The following PLEKHA2 variants were observed in gnomAD, a reference collection of about 807,000 sequenced individuals.
PLEKHA2 encodes pleckstrin homology domain containing A2.
Under a neutral mutation model 53.2 loss-of-function variants are expected in PLEKHA2, and 28 were observed. The ratio of observed to expected loss-of-function variants is 0.53; its 90% CI spans 0.39 to 0.72. The LOEUF is 0.72. Ranked by LOEUF, PLEKHA2 falls within the 30% of genes least tolerant of loss-of-function variation. PLEKHA2 has a pLI of 0.00. For missense variants in PLEKHA2, 426 were observed against 537.9 expected, an observed-to-expected ratio of 0.79 and a Z score of 2.06; for synonymous variants, 193 against 196.4, an observed-to-expected ratio of 0.98 and a Z score of 0.14.
chr8:38,926,936 A>C (rs767381345), intron 2 of PLEKHA2, among the ~76,000 whole-genome samples: 16 of 152,296 alleles, frequency 1.1e-4, no homozygotes, highest in South Asian at 2.1e-4. Flanking sequence ...AACCAACCAA[A>C]CAAACAAACA....
chr8:38,918,565 A>ACACACACATG (rs1350532147), intron 2 of PLEKHA2, among the ~76,000 whole-genome samples: 1 of 71,046 alleles, frequency 1.4e-5, no homozygotes, highest in Non-Finnish European at 3.2e-5. Flanking sequence ...CACACATTAT[A>ACACACACATG]CACACACATG....
chr8:38,906,253 G>A (rs191825799), intron 1 of PLEKHA2, among the ~76,000 whole-genome samples: 4 of 152,152 alleles, frequency 2.6e-5, no homozygotes, highest in Non-Finnish European at 4.4e-5. Context: ...CTTCAGCCCC[G>A]GGCAGGCTTT....
chr8:38,914,830 G>T (rs1169495392), intron 1 of PLEKHA2, among the ~76,000 whole-genome samples: 1 of 152,232 alleles, frequency 6.6e-6, no homozygotes, highest in Non-Finnish European at 1.5e-5. Context: ...GCAGAGGTTG[G>T]CTGGTTTGAA....
Position 38,901,374 on chromosome 8 carries a change from A to ACCCGGCGGCCGGAGGGGCGAC in PLEKHA2, c.-90_-70dup, listed in dbSNP as rs1427591938. ...CCCAGAAATCCCTGGAGCGCGGCGG[A>ACCCGGCGGCCGGAGGGGCGAC]CCCGGCGGCCGGAGGGGCGACCCCG... On this transcript the variant is annotated 5_prime_UTR_variant, in exon 1 of 12. Coordinates refer to ENST00000617275, the MANE Select transcript of PLEKHA2 (RefSeq NM_021623.2). 1 of 151,246 alleles carries ACCCGGCGGCCGGAGGGGCGAC rather than the reference A, an allele frequency of 6.6e-6. No individual in the cohort carries two copies. Among genetic ancestry groups the ACCCGGCGGCCGGAGGGGCGAC allele is most frequent in the African/African-American group, 2.4e-5 (1 of 40,942 alleles). 9.4% of individuals were successfully genotyped at this position (151,246 alleles called of 1,614,324 possible).
At chr8:38,942,842 G>T (rs79248907) in intron 3 of PLEKHA2, among the ~76,000 whole-genome samples, 2 of 152,212 alleles carry the variant, frequency 1.3e-5, no homozygotes, top group African/African-American at 4.8e-5. Context: ...GCAACAGGAG[G>T]TATAGAAATA....
chr8:38,961,518 C>G (rs1223976956), intron 10 of PLEKHA2, among the ~76,000 whole-genome samples: 1 of 152,102 alleles, frequency 6.6e-6, no homozygotes, highest in East Asian at 1.9e-4. Flanking sequence ...GCCTGGAAGA[C>G]AGAGTGAGAC....
intron 2 of PLEKHA2, among the ~76,000 whole-genome samples, chr8:38,933,125 A>G (rs192985372): frequency 6.6e-6 from 1 of 152,302 alleles, no homozygotes; most frequent in Admixed American, 6.5e-5. Context: ...TTCATCACTC[A>G]TAATTCAGGC....
intron 5 of PLEKHA2, among the ~76,000 whole-genome samples, chr8:38,947,212 G>A (rs1384225091): frequency 2.0e-5 from 3 of 152,198 alleles, no homozygotes; most frequent in South Asian, 2.1e-4. Context: ...AGTGGCTCAC[G>A]CTTGTAATTC....
intron 2 of PLEKHA2, among the ~76,000 whole-genome samples, chr8:38,929,426 C>T (rs986154490): frequency 4.6e-5 from 7 of 152,210 alleles, no homozygotes; most frequent in Non-Finnish European, 1.0e-4. Flanking sequence ...TTGTATTTAC[C>T]TTTCATTGAT....
intron 4 of PLEKHA2, among the ~76,000 whole-genome samples, 157 bp downstream of exon 4, chr8:38,943,994 C>T (rs555246580): frequency 6.6e-6 from 1 of 152,176 alleles, no homozygotes; most frequent in South Asian, 2.1e-4. Context: ...TATTGTTTTC[C>T]CTGGTCTTGC....
At chr8:38,947,315 T>A (rs1263926340) in intron 5 of PLEKHA2, among the ~76,000 whole-genome samples, 1 of 152,082 alleles carries the variant, frequency 6.6e-6, no homozygotes, top group African/African-American at 2.4e-5. Flanking sequence ...CTGGGCGTGG[T>A]GGCACACGCC....
intron 10 of PLEKHA2, among the ~76,000 whole-genome samples, chr8:38,965,558 T>C (rs1349398085): frequency 6.6e-6 from 1 of 152,218 alleles, no homozygotes; most frequent in East Asian, 1.9e-4. Context: ...GGAAAATCTC[T>C]TAATAAATGC....
Position 38,946,110 on chromosome 8 carries a change from T to C in PLEKHA2, c.248-14T>C, listed in dbSNP as rs1834708511. The C allele has an allele frequency of 2.5e-6, 4 of 1,587,324 alleles. No individual in the cohort carries two copies. Among genetic ancestry groups the C allele is most frequent in the Non-Finnish European group, 3.4e-6 (4 of 1,162,874 alleles). On this transcript the variant is annotated splice_polypyrimidine_tract_variant and intron_variant, in intron 4 of 11. Coordinates refer to ENST00000617275, the MANE Select transcript of PLEKHA2 (RefSeq NM_021623.2). ...CCTAGGAATGTCTTCCCTTCTTTTC[T>C]GTGGCTTTTGTAGTTATCAATGCCC... is the stretch of plus-strand genomic sequence containing the variant.
chr8:38,949,728 A>C (rs1163194463), intron 5 of PLEKHA2, among the ~76,000 whole-genome samples: 3 of 152,194 alleles, frequency 2.0e-5, no homozygotes, highest in Non-Finnish European at 2.9e-5. Flanking sequence ...ATTTTGTAAT[A>C]TGTTTTTCTT....
intron 1 of PLEKHA2, among the ~76,000 whole-genome samples, chr8:38,909,637 T>C (rs932549371): frequency 1.3e-5 from 2 of 152,188 alleles, no homozygotes; most frequent in African/African-American, 4.8e-5. Flanking sequence ...GAATGGGCAG[T>C]AGAGAGATAT....
chr8:38,912,465 A>C (rs181131406), intron 1 of PLEKHA2, among the ~76,000 whole-genome samples: 1 of 152,324 alleles, frequency 6.6e-6, no homozygotes, highest in Admixed American at 6.5e-5. Flanking sequence ...AGTACCAATT[A>C]CTACTGGCAC....
At chr8:38,953,211 C>A in intron 8 of PLEKHA2, 86 bp from the exon 9 acceptor site, 2 of 1,071,196 alleles carry the variant, frequency 1.9e-6, no homozygotes, top group Non-Finnish European at 1.4e-6. Context: ...CCAACCATCT[C>A]TGAGAAAGGG....
At chr8:38,952,345 C>T (rs1447337471) in intron 7 of PLEKHA2, 33 bp downstream of exon 7, 2 of 1,604,116 alleles carry the variant, frequency 1.2e-6, no homozygotes, top group Non-Finnish European at 1.7e-6. Context: ...AATTGGGGTT[C>T]TGGTGACTCC....
intron 10 of PLEKHA2, among the ~76,000 whole-genome samples, chr8:38,958,270 C>T (rs1335774258): frequency 6.6e-6 from 1 of 151,904 alleles, no homozygotes; most frequent in Non-Finnish European, 1.5e-5. Context: ...TTGCAGTGAG[C>T]TGAGATCATA....
Sources: gnomAD v4.1 joint callset for allele counts (sites outside exome capture counted in the v4.1 genomes callset) on GRCh38, gnomAD v4.1.1 for gene constraint, MANE v1.5 for transcripts, NCBI Gene and HGNC (gene_info 2026-07-23, HGNC 2026-07-21) for gene names.